The following P4HB variants were observed in gnomAD, a reference collection of about 807,000 sequenced individuals.
P4HB encodes the protein prolyl 4-hydroxylase subunit beta.
In P4HB, 20 loss-of-function variants were observed where a neutral mutation model predicts 52.6. That is an observed-to-expected ratio of 0.38 (90% confidence interval 0.27 to 0.55). The LOEUF is 0.55. Ranked by LOEUF, P4HB falls within the 20% of genes least tolerant of loss-of-function variation. P4HB has a pLI of 0.74. For synonymous variants in P4HB, 296 were observed against 277.9 expected, an observed-to-expected ratio of 1.07 and a Z score of -0.65; for missense variants, 601 against 669.2, an observed-to-expected ratio of 0.90 and a Z score of 1.12.
intron 4 of P4HB, among the ~76,000 whole-genome samples, chr17:81,848,534 G>A (rs1350639580): frequency 6.6e-6 from 1 of 152,152 alleles, no homozygotes; most frequent in East Asian, 1.9e-4. Context: ...CCAGGAGTTC[G>A]AGACCAGCCT....
In P4HB at chr17:81,847,261, G is replaced by T. The variant is rs757657864; in HGVS notation, c.711C>A (p.Val237=). The T allele has an allele frequency of 6.8e-6, 11 of 1,613,968 alleles. No individual in the cohort carries two copies. In the East Asian group the frequency reaches 2.5e-4, roughly 36 times the overall value. The change falls in exon 5 of 11, where the codon GTC becomes GTA. Residue 237 remains valine (V), a synonymous_variant. Coordinates refer to ENST00000331483, the MANE Select transcript of P4HB (RefSeq NM_000918.4). ...GCCGCACCTGCTCGGTGAACTCGAT[G>T]ACAAGGGGCAGCTGGTTGTGTTTGA... ...DFIKHNQLPL[V]IEFTEQTAPK... is the part of the protein sequence containing the mutation.
chr17:81,844,252 AGG>A (rs1239924838), intron 10 of P4HB, among the ~76,000 whole-genome samples, 160 bp from the exon 11 acceptor site: 2 of 98,604 alleles, frequency 2.0e-5, no homozygotes, highest in African/African-American at 7.2e-5. Flanking sequence ...CGAGCTACAC[AGG>A]GGTCTTCCCA....
At position 81,846,836 on chromosome 17, in the gene P4HB, GC is replaced by G; in HGVS notation, c.855+110del. The G allele has an allele frequency of 7.2e-7, 1 of 1,383,388 alleles. No individual in the cohort carries two copies. Among genetic ancestry groups the G allele is most frequent in the Admixed American group, 1.8e-5 (1 of 56,936 alleles). The allele number at this position is 1,383,388 out of a possible 1,614,324, so 85.7% of individuals were successfully genotyped here. ...ACATCCAGGCTGTCCTGAATCAGGT[GC>G]CCGATCCAGTCCAGCAGGCAGCCTC... On this transcript the variant is annotated intron_variant, in intron 6 of 10. Transcript: ENST00000331483. This position sits in a 1 kb window ranked among gnomAD's most constrained non-coding sequence, Gnocchi z 5.7.
Position 81,857,098 on chromosome 17 carries a change from AT to A in P4HB, c.353-1513del, listed in dbSNP as rs1021891387. On this transcript the variant is annotated intron_variant, in intron 2 of 10. Transcript: ENST00000331483. ...GTGCCCAGCCCTAGCTAATTTTTGTATTTTTTGTAGACAGGGTTTCACCATG... is the reference window on the plus strand; with the variant it reads ...GTGCCCAGCCCTAGCTAATTTTTGTATTTTTGTAGACAGGGTTTCACCATG... Among the ~76,000 whole-genome samples, 34 of 151,644 alleles carry A rather than the reference AT, an allele frequency of 2.2e-4. No homozygotes were observed. In the East Asian group the frequency reaches 6.1e-3, roughly 27 times the overall value.
chr17:81,849,767 ATT>A (rs964361074), intron 4 of P4HB, among the ~76,000 whole-genome samples: 7 of 152,148 alleles, frequency 4.6e-5, no homozygotes, highest in Non-Finnish European at 1.0e-4. Flanking sequence ...TCAAGTGAGA[ATT>A]TTGGGTGAGC....
chr17:81,858,339 G>A (rs2038946763), intron 2 of P4HB, among the ~76,000 whole-genome samples: 2 of 151,210 alleles, frequency 1.3e-5, no homozygotes, highest in African/African-American at 4.9e-5. Flanking sequence ...CACTAGAACA[G>A]GACAGGGCAC....
chr17:81,848,527 G>A (rs568579932), intron 4 of P4HB, among the ~76,000 whole-genome samples: 3 of 152,172 alleles, frequency 2.0e-5, no homozygotes, highest in Non-Finnish European at 2.9e-5. Flanking sequence ...CTTGAGACCA[G>A]GAGTTCGAGA....
rs1412555234 is a variant in P4HB, at chr17:81,855,119, C to T, written c.624+23G>A. 1 of 1,613,358 alleles carries T rather than the reference C, an allele frequency of 6.2e-7. No homozygotes were observed. The highest frequency in any genetic ancestry group is 1.1e-5 in the South Asian group (1 of 91,066). The stretch of plus-strand genomic sequence containing the variant: ...AGACCAACCCCAGAACTAACCTGGG[C>T]AGAGCTGCCTGGGGCCACTCACCTT... On this transcript the variant is annotated intron_variant, in intron 4 of 10. Coordinates refer to ENST00000331483, the MANE Select transcript of P4HB (RefSeq NM_000918.4). The surrounding 1 kb of genome is among the most constrained non-coding windows in gnomAD (Gnocchi z 4.3).
chr17:81,859,499 T>G, intron 1 of P4HB, 112 bp from the exon 2 acceptor site: 1 of 931,328 alleles, frequency 1.1e-6, no homozygotes. Flanking sequence ...AAACCTTATC[T>G]ACTCACCAAG....
chr17:81,851,364 C>T (rs2038828339), intron 4 of P4HB, among the ~76,000 whole-genome samples: 1 of 152,244 alleles, frequency 6.6e-6, no homozygotes, highest in Admixed American at 6.5e-5. Context: ...TGTGCCTGGG[C>T]CACCCTGGCC....
In P4HB at chr17:81,846,190, G is replaced by A. The variant is rs1260523457; in HGVS notation, c.1057-199C>T. ...TGGGCCCAATGAGCCCACGCAGGCC[G>A]CACCCTCGCCGGCCAGGAGGTTTCC... On this transcript the variant is annotated intron_variant, in intron 7 of 10. Transcript: ENST00000331483. This position sits in a 1 kb window ranked among gnomAD's most constrained non-coding sequence, Gnocchi z 5.7. Among the ~76,000 whole-genome samples, 3 of 152,228 alleles carry A rather than the reference G, an allele frequency of 2.0e-5. No individual in the cohort carries two copies. The highest frequency in any genetic ancestry group is 1.9e-4 in the East Asian group (1 of 5,194).
intron 2 of P4HB, 135 bp downstream of exon 2, chr17:81,859,046 C>T: frequency 1.4e-6 from 1 of 728,948 alleles, no homozygotes; most frequent in East Asian, 2.6e-5. Context: ...GACAGAGAAC[C>T]CGGCCTGAGG....
Position 81,847,267 on chromosome 17 carries a change from G to A in P4HB, c.705C>T (p.Pro235=). The change falls in exon 5 of 11, where the codon CCC becomes CCT. Residue 235 remains proline, a synonymous_variant. Coordinates refer to ENST00000331483, the MANE Select transcript of P4HB (RefSeq NM_000918.4). ...LLDFIKHNQL[P]LVIEFTEQTA... is the part of the protein sequence containing the mutation. Reference sequence around the variant, plus strand: ...CCTGCTCGGTGAACTCGATGACAAGGGGCAGCTGGTTGTGTTTGATAAAGT... The same window carrying A: ...CCTGCTCGGTGAACTCGATGACAAGAGGCAGCTGGTTGTGTTTGATAAAGT... The A allele has an allele frequency of 6.2e-7, 1 of 1,614,142 alleles. No homozygotes were observed. The highest frequency in any genetic ancestry group is 8.5e-7 in the Non-Finnish European group (1 of 1,180,022).
At chr17:81,853,587 GA>G (rs375882777) in intron 4 of P4HB, among the ~76,000 whole-genome samples, 13 of 142,198 alleles carry the variant, frequency 9.1e-5, no homozygotes, top group East Asian at 8.1e-4. Context: ...AAAAGAAAAA[GA>G]AAAAAAAAAA....
intron 4 of P4HB, among the ~76,000 whole-genome samples, chr17:81,850,624 T>C (rs1189514870): frequency 2.0e-5 from 3 of 151,008 alleles, no homozygotes; most frequent in East Asian, 4.0e-4. Flanking sequence ...GCTGGGATTA[T>C]AGGCATGTGC....
At chr17:81,857,060 G>A (rs1274836726) in intron 2 of P4HB, among the ~76,000 whole-genome samples, 7 of 152,150 alleles carry the variant, frequency 4.6e-5, no homozygotes, top group Non-Finnish European at 1.0e-4. Context: ...TGGGATTACC[G>A]GGATGAACCA....
Position 81,843,471 on chromosome 17 carries a change from CG to C in P4HB, c.*540del, listed in dbSNP as rs1278045857. ...GCATGGGGGACACCCTGACAGGATC[CG>C]GAAGTCTCCATTTACCCAAAAATGC... is the stretch of plus-strand genomic sequence containing the variant. On this transcript the variant is annotated 3_prime_UTR_variant, in exon 11 of 11. Coordinates refer to ENST00000331483, the MANE Select transcript of P4HB (RefSeq NM_000918.4). 2 of 400,272 alleles carry C rather than the reference CG, an allele frequency of 5.0e-6. No individual in the cohort carries two copies. Among genetic ancestry groups the C allele is most frequent in the African/African-American group, 2.1e-5 (1 of 48,644 alleles). 24.8% of individuals were successfully genotyped at this position (400,272 alleles called of 1,614,324 possible).
chr17:81,849,650 G>A (rs1162573176), intron 4 of P4HB, among the ~76,000 whole-genome samples: 2 of 152,120 alleles, frequency 1.3e-5, no homozygotes, highest in African/African-American at 4.8e-5. Context: ...GGAGTCCTAA[G>A]GCCACAAGAT....
chr17:81,854,620 G>A (rs1395172967), intron 4 of P4HB, among the ~76,000 whole-genome samples: 1 of 152,018 alleles, frequency 6.6e-6, no homozygotes, highest in Admixed American at 6.6e-5. Context: ...GCTGAGGTGG[G>A]TGGATCACGA....
Sources: gnomAD v4.1 joint callset for allele counts (sites outside exome capture counted in the v4.1 genomes callset) on GRCh38, gnomAD v4.1.1 for gene constraint, Gnocchi (gnomAD v3.1) non-coding constraint, MANE v1.5 for transcripts, NCBI Gene and HGNC (gene_info 2026-07-23, HGNC 2026-07-21) for gene names.